GNPTAB: variants seen among roughly 807,000 people sequenced by gnomAD.
GNPTAB encodes N-acetylglucosamine-1-phosphotransferase subunits alpha/beta.
A neutral mutation model predicts 136.6 loss-of-function variants in GNPTAB; 92 were observed. The observed-to-expected ratio is 0.67, with a 90% confidence interval of 0.57 to 0.80. The LOEUF (loss-of-function observed/expected upper bound fraction) is 0.80. GNPTAB is among the 30% of genes least tolerant of loss of function. The probability of loss-of-function intolerance (pLI) is 0.00; values close to 1 mark genes in which losing one functional copy is unlikely to be tolerated. For synonymous variants in GNPTAB, 512 were observed against 535.1 expected (o/e 0.96, Z 0.60); for missense variants, 1,343 against 1,501.8 (o/e 0.89, Z 1.75).
At chr12:101,794,845 T>C (rs984705327) in intron 2 of GNPTAB, among the ~76,000 whole-genome samples, 18 of 151,980 alleles carry the variant, frequency 1.2e-4, no homozygotes, top group Admixed American at 7.2e-4. Flanking sequence ...GATGGGAGGA[T>C]TGCTTGAGTC....
At chr12:101,775,519 C>T (rs762654963) in intron 7 of GNPTAB, among the ~76,000 whole-genome samples, 3 of 152,004 alleles carry the variant, frequency 2.0e-5, no homozygotes, top group Non-Finnish European at 4.4e-5. Flanking sequence ...GCCACCACAT[C>T]CAGCTAATTT....
chr12:101,768,233 C>T, intron 10 of GNPTAB, 73 bp from the exon 11 acceptor site: 1 of 1,527,960 alleles, frequency 6.5e-7, no homozygotes, highest in Non-Finnish European at 9.0e-7. Flanking sequence ...TTAAGATTCC[C>T]TTTATAAAAA....
At chr12:101,781,852 A>C (rs1219681713) in intron 5 of GNPTAB, among the ~76,000 whole-genome samples, 2 of 152,208 alleles carry the variant, frequency 1.3e-5, no homozygotes, top group Non-Finnish European at 2.9e-5. Context: ...AATTCTACCT[A>C]ACAGACCTGG....
At chr12:101,781,906 TG>T (rs781422681) in intron 5 of GNPTAB, among the ~76,000 whole-genome samples, 3 of 152,230 alleles carry the variant, frequency 2.0e-5, no homozygotes, top group Non-Finnish European at 4.4e-5. Flanking sequence ...GGGCATCTCA[TG>T]TCATCTTCAT....
In GNPTAB at chr12:101,828,104, A is replaced by G. The variant is rs369700043; in HGVS notation, c.117+2455T>C. 9.8e-5 allele frequency among the ~76,000 whole-genome samples: 15 copies of G among 152,372 alleles called. No individual in the cohort carries two copies. In the South Asian group the frequency reaches 2.3e-3, roughly 23 times the overall value. On this transcript the variant is annotated intron_variant, in intron 1 of 20. Transcript: ENST00000299314. ...GATCAAAGTATTCTGATTCAAGGAT[A>G]TATTTCAAAATAAGGTTTAAGGACA...
At chr12:101,767,443 C>A (rs1953110202) in intron 11 of GNPTAB, among the ~76,000 whole-genome samples, 1 of 152,188 alleles carries the variant, frequency 6.6e-6, no homozygotes, top group South Asian at 2.1e-4. Flanking sequence ...CAGCAGTGAG[C>A]TCCTATAAGA....
chr12:101,828,999 C>T (rs1871241844), intron 1 of GNPTAB, among the ~76,000 whole-genome samples: 1 of 152,156 alleles, frequency 6.6e-6, no homozygotes, highest in African/African-American at 2.4e-5. Context: ...TCCTCTTTTC[C>T]ATTATGCCTT....
intron 2 of GNPTAB, among the ~76,000 whole-genome samples, chr12:101,794,446 C>T (rs923796917): frequency 1.3e-5 from 2 of 151,394 alleles, no homozygotes; most frequent in South Asian, 2.1e-4. Flanking sequence ...GTCAGGAGTT[C>T]GAGACCAGCC....
chr12:101,830,411 G>GCT, intron 1 of GNPTAB, 148 bp downstream of exon 1: 1 of 630,322 alleles, frequency 1.6e-6, no homozygotes, highest in South Asian at 1.6e-5. Context: ...GATCGCCTGA[G>GCT]CTCAGGAGTT....
At chr12:101,821,590 T>C (rs1434499318) in intron 1 of GNPTAB, among the ~76,000 whole-genome samples, 1 of 152,116 alleles carries the variant, frequency 6.6e-6, no homozygotes. Flanking sequence ...GGTAGAAAGG[T>C]CCAGGAGGTG....
At chr12:101,795,846 G>A (rs1869251843) in intron 2 of GNPTAB, 1 of 167,354 alleles carries the variant, frequency 6.0e-6, no homozygotes, top group Non-Finnish European at 1.3e-5. Context: ...AAAATAGTGA[G>A]AAGACAGAAA....
At position 101,764,408 on chromosome 12, in the gene GNPTAB, A is replaced by G. The variant is rs149665129; in HGVS notation, c.2509T>C (p.Ser837Pro). Residue 837 changes from serine to proline, a missense_variant, in exon 13 of 21, where the codon TCT becomes CCT. By Grantham distance (74) the Ser-to-Pro change is moderately conservative. Coordinates refer to ENST00000299314, the MANE Select transcript of GNPTAB (RefSeq NM_024312.5). ...GGNVTKEKPP[S>P]LIVPLESQMT... ...TGGCTTTCCAGTGGAACAATCAGAG[A>G]TGGGGGCTTTTCTTTTGTCACATTT... is the stretch of plus-strand genomic sequence containing the variant. 6.2e-7 allele frequency: 1 copy of G among 1,613,224 alleles called. No homozygotes were observed. The highest frequency in any genetic ancestry group is 1.3e-5 in the African/African-American group (1 of 74,800).
intron 1 of GNPTAB, among the ~76,000 whole-genome samples, chr12:101,820,353 A>G (rs979711754): frequency 2.0e-5 from 3 of 152,116 alleles, no homozygotes; most frequent in African/African-American, 7.2e-5. Flanking sequence ...GGACTGGAGG[A>G]TTTTGCCTCT....
chr12:101,803,835 CGGAG>C (rs1397248233), intron 1 of GNPTAB, among the ~76,000 whole-genome samples: 1 of 151,862 alleles, frequency 6.6e-6, no homozygotes, highest in Non-Finnish European at 1.5e-5. Flanking sequence ...TATTTTTCCA[CGGAG>C]AGAGAGCTGA....
At chr12:101,797,056 A>C (rs1869334724) in intron 1 of GNPTAB, among the ~76,000 whole-genome samples, 1 of 152,136 alleles carries the variant, frequency 6.6e-6, no homozygotes, top group Non-Finnish European at 1.5e-5. Context: ...TGAGTTCACC[A>C]GGTAGGGAAA....
chr12:101,750,701 G>C (rs528883054), intron 19 of GNPTAB, among the ~76,000 whole-genome samples: 1 of 152,240 alleles, frequency 6.6e-6, no homozygotes, highest in South Asian at 2.1e-4. Context: ...GCCATTCCTT[G>C]CCATTTCTGG....
At chr12:101,822,775 C>T (rs1197114213) in intron 1 of GNPTAB, among the ~76,000 whole-genome samples, 1 of 152,164 alleles carries the variant, frequency 6.6e-6, no homozygotes, top group East Asian at 1.9e-4. Context: ...AAATATCAGG[C>T]CCACCTGAAT....
At chr12:101,774,317 C>A (rs1953227476) in intron 7 of GNPTAB, among the ~76,000 whole-genome samples, 2 of 152,096 alleles carry the variant, frequency 1.3e-5, no homozygotes, top group Admixed American at 1.3e-4. Context: ...TTTCTAAAGA[C>A]AACAAGCATC....
intron 5 of GNPTAB, among the ~76,000 whole-genome samples, chr12:101,784,781 T>C (rs1454993918): frequency 6.6e-6 from 1 of 152,004 alleles, no homozygotes; most frequent in African/African-American, 2.4e-5. Context: ...CTGGGAGGTA[T>C]GACACTGATA....
Sources: gnomAD v4.1 joint callset for allele counts (sites outside exome capture counted in the v4.1 genomes callset) on GRCh38, gnomAD v4.1.1 for gene constraint, MANE v1.5 for transcripts, NCBI Gene and HGNC (gene_info 2026-07-23, HGNC 2026-07-21) for gene names.